The following HLA-DPB1 variants were observed in gnomAD, a reference collection of about 807,000 sequenced individuals.
HLA-DPB1 encodes major histocompatibility complex, class II, DP beta 1.
Under a neutral mutation model 29.4 loss-of-function variants are expected in HLA-DPB1, and 30 were observed. The ratio of observed to expected loss-of-function variants is 1.02; its 90% CI spans 0.76 to 1.38. HLA-DPB1 has a LOEUF of 1.38. HLA-DPB1 is among the 40% of genes most tolerant of loss of function. The probability of loss-of-function intolerance (pLI) is 0.00; values close to 1 mark genes in which losing one functional copy is unlikely to be tolerated. For missense variants in HLA-DPB1, 261 were observed against 327.5 expected (o/e 0.80, Z 1.57); for synonymous variants, 114 against 134.0 (o/e 0.85, Z 1.03).
chr6:33,084,823 G>A, intron 2 of HLA-DPB1, 127 bp from the exon 3 acceptor site: 1 of 667,002 alleles, frequency 1.5e-6, no homozygotes. Flanking sequence ...ATGAAAGAAA[G>A]AAAGAGCGAG....
At chr6:33,085,350 T>C (rs1763051730) in intron 3 of HLA-DPB1, 119 bp downstream of exon 3, 3 of 873,974 alleles carry the variant, frequency 3.4e-6, no homozygotes, top group Non-Finnish European at 5.3e-6. Flanking sequence ...AACCCCATCT[T>C]TCTTCTATAC....
chr6:33,084,968 T>C lies in HLA-DPB1; in HGVS notation c.383T>C (p.Val128Ala). 6.3e-7 allele frequency: 1 copy of C among 1,586,256 alleles called. No individual in the cohort carries two copies. The highest frequency in any genetic ancestry group is 8.6e-7 in the Non-Finnish European group (1 of 1,157,796). Residue 128 changes from valine (V) to alanine (A), a missense_variant, in exon 3 of 6, where the codon GTT (valine) becomes GCT (alanine). Physicochemically the swap from Val to Ala is moderately conservative, Grantham distance 64. Coordinates refer to ENST00000418931, the MANE Select transcript of HLA-DPB1 (RefSeq NM_002121.6). ...CTCCTAGTCCAGCCTAGGGTGAATG[T>C]TTCCCCCTCCAAGAAGGGGCCCTTG... Reference protein sequence around the residue: ...LQRRVQPRVNVSPSKKGPLQH... With the variant: ...LQRRVQPRVNASPSKKGPLQH...
chr6:33,081,205 A>C, intron 2 of HLA-DPB1: 1 of 502,264 alleles, frequency 2.0e-6, no homozygotes, highest in Non-Finnish European at 3.5e-6. Flanking sequence ...GGGGTGAAAA[A>C]AGGAAGCCAC....
chr6:33,079,086 C>T (rs762972134), intron 1 of HLA-DPB1, among the ~76,000 whole-genome samples: 1 of 152,200 alleles, frequency 6.6e-6, no homozygotes, highest in Non-Finnish European at 1.5e-5. Context: ...GCCCTTGAGC[C>T]CAGCCCTACC....
intron 2 of HLA-DPB1, 73 bp from the exon 3 acceptor site, chr6:33,084,849 AAAGGAAGGAAGGAAGGAAGGAAGGAAGG>A: frequency 7.5e-6 from 5 of 662,986 alleles, no homozygotes; most frequent in Non-Finnish European, 1.2e-5. Context: ...GTCTCAAAAA[AAAGGAAGGAAGGAAGGAAGGAAGGAAGG>A]AAGGAAGGAA....
rs1763213688 is a variant in HLA-DPB1 at position 33,088,490 on chromosome 6, CAGAA to C, written c.*1961_*1964del. 2.0e-5 allele frequency among the ~76,000 whole-genome samples: 3 copies of C among 152,102 alleles called. No individual in the cohort carries two copies. The highest frequency in any genetic ancestry group is 7.2e-5 in the African/African-American group (3 of 41,416). ...GAGATGAGGAATGTCCCTGGAGTCA[CAGAA>C]AGAAGGTATCAGATGTGTCTCACTC... On this transcript the variant is annotated 3_prime_UTR_variant, in exon 6 of 6. Transcript: ENST00000418931.
Position 33,089,586 on chromosome 6 carries a change from C to A in HLA-DPB1, c.*3052C>A, listed in dbSNP as rs9296078. On this transcript the variant is annotated 3_prime_UTR_variant, in exon 6 of 6. Coordinates refer to ENST00000418931, the MANE Select transcript of HLA-DPB1 (RefSeq NM_002121.6). ...GAACACACTTCTCGCATTTCATTTT[C>A]CAATGTAAATCATATGGCTGCAACT... Among the ~76,000 whole-genome samples the A allele has an allele frequency of 0.028, 4,262 of 152,240 alleles. 163 individuals are homozygous for A. The highest frequency in any genetic ancestry group is 0.074 in the African/African-American group (3,090 of 41,526).
chr6:33,085,812 T>A lies in HLA-DPB1; in HGVS notation c.680T>A (p.Leu227Ter). ...AQSDSARSKT[L>*]TGAGGFVLGL... ...TCTGATTCTGCCCGGAGTAAGACAT[T>A]GACGGGAGCTGGGGGCTTCGTGCTG... The change falls in exon 4 of 6, where the codon TTG becomes TAG. Residue 227 changes from leucine to a stop codon, truncating the protein, a stop_gained. Coordinates refer to ENST00000418931, the MANE Select transcript of HLA-DPB1 (RefSeq NM_002121.6). LOFTEE classifies it high-confidence loss of function. 1 of 1,614,058 alleles carries A rather than the reference T, an allele frequency of 6.2e-7. No homozygotes were observed. Among genetic ancestry groups the A allele is most frequent in the Non-Finnish European group, 8.5e-7 (1 of 1,179,966 alleles).
chr6:33,086,895 G>T lies in HLA-DPB1; in HGVS notation c.*361G>T. 3.6e-6 allele frequency: 1 copy of T among 278,100 alleles called. No individual in the cohort carries two copies. The highest frequency in any genetic ancestry group is 3.6e-5 in the South Asian group (1 of 28,126). The allele number at this position is 278,100 out of a possible 1,614,324, so 17.2% of individuals were successfully genotyped here. Reference sequence around the variant, plus strand: ...TTTGGTTTAAACATAGGAAAGAAGAGAACCATGAAAATGGGGATATGTTAA... The same window carrying T: ...TTTGGTTTAAACATAGGAAAGAAGATAACCATGAAAATGGGGATATGTTAA... On this transcript the variant is annotated 3_prime_UTR_variant, in exon 6 of 6. Transcript: ENST00000418931.
chr6:33,083,035 A>G (rs1271810596), intron 2 of HLA-DPB1, among the ~76,000 whole-genome samples: 1 of 152,212 alleles, frequency 6.6e-6, no homozygotes, highest in African/African-American at 2.4e-5. Context: ...CAGAAGCTCT[A>G]TGGGGAAGAA....
rs557330813 is a variant in HLA-DPB1, at chr6:33,087,512, G to A, written c.*978G>A. ...ATGTTTGTTGTAAGCTTTCTTTTTC[G>A]TGTAGAGGATGGATTCTTCACTCCT... On this transcript the variant is annotated 3_prime_UTR_variant, in exon 6 of 6. Transcript: ENST00000418931. Among the ~76,000 whole-genome samples, 2 of 139,892 alleles carry A rather than the reference G, an allele frequency of 1.4e-5. No homozygotes were observed. Among genetic ancestry groups the A allele is most frequent in the East Asian group, 2.5e-4 (1 of 3,980 alleles). The allele number at this position is 139,892 out of a possible 152,430, so 91.8% of individuals were successfully genotyped here. A position where few individuals can be genotyped will look rare whatever the true frequency, so the allele number is the denominator to read the frequency against.
intron 1 of HLA-DPB1, among the ~76,000 whole-genome samples, chr6:33,078,315 G>T (rs982180738): frequency 6.6e-6 from 1 of 152,124 alleles, no homozygotes. Flanking sequence ...CCTGCTGGAG[G>T]GAGAGCTGGA....
chr6:33,078,550 G>T (rs1228508230), intron 1 of HLA-DPB1, among the ~76,000 whole-genome samples: 1 of 152,132 alleles, frequency 6.6e-6, no homozygotes. Context: ...AATTCATTCA[G>T]ATCAGTGGTT....
chr6:33,088,026 A>G lies in HLA-DPB1; in HGVS notation c.*1492A>G, dbSNP rs978321035. On this transcript the variant is annotated 3_prime_UTR_variant, in exon 6 of 6. Coordinates refer to ENST00000418931, the MANE Select transcript of HLA-DPB1 (RefSeq NM_002121.6). ...TGCGTAGTAATTTCAGCTGTCACAT[A>G]ATAAGCTAAGGAAGACAGTATATAG... 2.6e-5 allele frequency among the ~76,000 whole-genome samples: 4 copies of G among 151,700 alleles called. No homozygotes were observed. The highest frequency in any genetic ancestry group is 5.9e-5 in the Non-Finnish European group (4 of 68,014).
At chr6:33,083,716 T>C (rs9277404) in intron 2 of HLA-DPB1, 57,541 of 151,822 alleles carry the variant, frequency 0.38, 12,316 homozygotes, top group East Asian at 0.64. Flanking sequence ...GTGATCCTCA[T>C]GCCTCAACCT....
intron 2 of HLA-DPB1, among the ~76,000 whole-genome samples, chr6:33,081,673 C>T (rs891941768): frequency 1.6e-4 from 25 of 152,046 alleles, no homozygotes; most frequent in African/African-American, 2.4e-5. Flanking sequence ...TTGGCCGCAG[C>T]GGCAGGAGCT....
At position 33,086,205 on chromosome 6, in the gene HLA-DPB1, G is replaced by C. The variant is rs9277492; in HGVS notation, c.758-14G>C. The stretch of plus-strand genomic sequence containing the variant: ...TCAATGGCTGATTATATAACCTTTC[G>C]TCTTTCATTTCAGTTCAACGAGGAT... On this transcript the variant is annotated splice_polypyrimidine_tract_variant and intron_variant, in intron 4 of 5. Transcript: ENST00000418931. 0.28 allele frequency: 412,026 copies of C among 1,466,292 alleles called. 71,065 individuals carry two copies. Among genetic ancestry groups the C allele is most frequent in the East Asian group, 0.6 (25,950 of 43,502 alleles). 90.8% of individuals were successfully genotyped at this position (1,466,292 alleles called of 1,614,324 possible).
At chr6:33,082,622 G>A (rs1762923540) in intron 2 of HLA-DPB1, among the ~76,000 whole-genome samples, 1 of 152,188 alleles carries the variant, frequency 6.6e-6, no homozygotes, top group Non-Finnish European at 1.5e-5. Context: ...AGGGAGATGA[G>A]GTAGGAAACT....
At chr6:33,085,960 G>T (rs9277474) in intron 4 of HLA-DPB1, 71 bp downstream of exon 4, 66,508 of 635,016 alleles carry the variant, frequency 0.1, 4,888 homozygotes, top group African/African-American at 0.45. Context: ...ACGATGAGGG[G>T]TTTGACAGAA....
Sources: gnomAD v4.1 joint callset for allele counts (sites outside exome capture counted in the v4.1 genomes callset) on GRCh38, gnomAD v4.1.1 for gene constraint, MANE v1.5 for transcripts, NCBI Gene and HGNC (gene_info 2026-07-23, HGNC 2026-07-21) for gene names.